Variants in BTRC observed in about 807,000 individuals in gnomAD.
The protein encoded by BTRC is F-box/WD repeat-containing protein 1A.
Under a neutral mutation model 85.5 loss-of-function variants are expected in BTRC, and 42 were observed. That is an observed-to-expected ratio of 0.49 (90% CI 0.38 to 0.64). The LOEUF (loss-of-function observed/expected upper bound fraction) is 0.64. BTRC is among the 30% of genes least tolerant of loss of function. The probability of loss-of-function intolerance (pLI) is 0.00; values close to 1 mark genes in which losing one functional copy is unlikely to be tolerated. For missense variants in BTRC, 594 were observed against 743.5 expected (o/e 0.80, Z 2.34); for synonymous variants, 255 against 263.3 (o/e 0.97, Z 0.30).
At position 101,535,996 on chromosome 10, in the gene BTRC, A is replaced by T. The variant is rs184624198; in HGVS notation, c.1466+524A>T. Among the ~76,000 whole-genome samples the T allele has an allele frequency of 3.3e-5, 5 of 152,368 alleles. No homozygotes were observed. In the East Asian group the frequency reaches 9.6e-4, roughly 29 times the overall value. On this transcript the variant is annotated intron_variant, in intron 11 of 14. Transcript: ENST00000370187. ...AAAGAGCTACTGTTTGTTATATCTA[A>T]GGAAATTATTCCTAGAAATCACTTG...
At position 101,482,393 on chromosome 10, in the gene BTRC, CTTTTTTT is replaced by C. The variant is rs55978440; in HGVS notation, c.324+2950_324+2956del. On this transcript the variant is annotated intron_variant, in intron 4 of 14. Coordinates refer to ENST00000370187, the MANE Select transcript of BTRC (RefSeq NM_033637.4). ...CTGTTTCTTTTTTGTTTGTTTGTTT[CTTTTTTT>C]TTTTTTTTTTTTTGAGACGGAGTCT... is the stretch of plus-strand genomic sequence containing the variant. Among the ~76,000 whole-genome samples, 278 of 99,826 alleles carry C rather than the reference CTTTTTTT, an allele frequency of 2.8e-3. 2 individuals carry two copies. The highest frequency in any genetic ancestry group is 9.2e-3 in the African/African-American group (260 of 28,190). The allele number at this position is 99,826 out of a possible 152,430, so 65.5% of individuals were successfully genotyped here. A position where few individuals can be genotyped will look rare whatever the true frequency, so the allele number is the denominator to read the frequency against.
chr10:101,451,651 C>T (rs1944957319), intron 2 of BTRC, among the ~76,000 whole-genome samples: 1 of 152,064 alleles, frequency 6.6e-6, no homozygotes, highest in African/African-American at 2.4e-5. Context: ...ATTTTTTCCC[C>T]CCTGAGGTCC....
chr10:101,363,438 A>ATTCC (rs1942269603), intron 1 of BTRC, among the ~76,000 whole-genome samples: 1 of 152,002 alleles, frequency 6.6e-6, no homozygotes, highest in African/African-American at 2.4e-5. Context: ...AGGGAGGGGA[A>ATTCC]GTTCGTTTTT....
intron 4 of BTRC, among the ~76,000 whole-genome samples, chr10:101,517,135 G>A (rs1398016421): frequency 6.6e-6 from 1 of 152,122 alleles, no homozygotes; most frequent in Admixed American, 6.5e-5. Flanking sequence ...GTCCAACAAG[G>A]TTCTTAGTAA....
In BTRC at chr10:101,469,579, A is replaced by G. The variant is rs542627221; in HGVS notation, c.234+7521A>G. Among the ~76,000 whole-genome samples the G allele has an allele frequency of 4.1e-4, 62 of 152,324 alleles. 1 individual carries two copies. The highest frequency in any genetic ancestry group is 1.4e-3 in the African/African-American group (60 of 41,544). ...TGATACATTTATTGATGACTGGACA[A>G]ACCTCTGTAAAAAATTTACTCCTAA... is the stretch of plus-strand genomic sequence containing the variant. On this transcript the variant is annotated intron_variant, in intron 3 of 14. Transcript: ENST00000370187.
At chr10:101,365,873 A>G (rs192812328) in intron 1 of BTRC, among the ~76,000 whole-genome samples, 87 of 152,320 alleles carry the variant, frequency 5.7e-4, no homozygotes, top group Non-Finnish European at 1.1e-3. Flanking sequence ...ATGCATTTAT[A>G]AAACAAAATG....
At chr10:101,544,791 T>C (rs2062531562) in intron 13 of BTRC, among the ~76,000 whole-genome samples, 1 of 152,110 alleles carries the variant, frequency 6.6e-6, no homozygotes, top group Non-Finnish European at 1.5e-5. Flanking sequence ...AGGCATGGTG[T>C]CTCACACCTG....
intron 4 of BTRC, among the ~76,000 whole-genome samples, chr10:101,521,141 G>A (rs2062098372): frequency 6.6e-6 from 1 of 152,040 alleles, no homozygotes; most frequent in Non-Finnish European, 1.5e-5. Flanking sequence ...ACATGATAGT[G>A]TGTACCTATA....
chr10:101,545,737 C>A (rs1428287664), intron 13 of BTRC, among the ~76,000 whole-genome samples: 1 of 152,086 alleles, frequency 6.6e-6, no homozygotes, highest in African/African-American at 2.4e-5. Context: ...TTTTTTGAGC[C>A]CCCTAGTGTA....
intron 1 of BTRC, among the ~76,000 whole-genome samples, chr10:101,361,804 A>G (rs1942214535): frequency 6.6e-6 from 1 of 152,220 alleles, no homozygotes; most frequent in African/African-American, 2.4e-5. Context: ...TTAATGTTGA[A>G]CTAAGAATAT....
intron 4 of BTRC, among the ~76,000 whole-genome samples, chr10:101,510,087 T>C (rs980353602): frequency 6.6e-6 from 1 of 151,822 alleles, no homozygotes; most frequent in Non-Finnish European, 1.5e-5. Context: ...TGAGCCGAGA[T>C]TGCACCATTG....
intron 4 of BTRC, among the ~76,000 whole-genome samples, chr10:101,480,133 G>T (rs1945796556): frequency 6.6e-6 from 1 of 152,086 alleles, no homozygotes; most frequent in Non-Finnish European, 1.5e-5. Context: ...TTAAGTATGG[G>T]CTTTGTTTCT....
At chr10:101,480,417 T>A (rs1945802737) in intron 4 of BTRC, among the ~76,000 whole-genome samples, 1 of 152,208 alleles carries the variant, frequency 6.6e-6, no homozygotes. Flanking sequence ...AATTTTTTTC[T>A]TATAGGGGCT....
intron 4 of BTRC, among the ~76,000 whole-genome samples, chr10:101,501,010 C>CA (rs2134290403): frequency 6.6e-6 from 1 of 152,278 alleles, no homozygotes; most frequent in South Asian, 2.1e-4. Flanking sequence ...GCCTGGCCAA[C>CA]ATGGCAAAAC....
intron 1 of BTRC, among the ~76,000 whole-genome samples, chr10:101,407,634 G>A (rs570579179): frequency 7.9e-5 from 12 of 151,964 alleles, no homozygotes; most frequent in African/African-American, 2.2e-4. Flanking sequence ...CAGGCAATCC[G>A]CCCACCTTGG....
intron 5 of BTRC, among the ~76,000 whole-genome samples, chr10:101,523,276 T>G (rs1184586492): frequency 6.6e-6 from 1 of 152,156 alleles, no homozygotes; most frequent in East Asian, 1.9e-4. Context: ...GTTGAAGTTT[T>G]TAGAAAGAAG....
At chr10:101,365,073 T>A (rs1420715291) in intron 1 of BTRC, 1 of 152,032 alleles carries the variant, frequency 6.6e-6, no homozygotes, top group Non-Finnish European at 1.5e-5. Context: ...AAAATTTTTT[T>A]ATTTTTATTT....
chr10:101,428,531 G>A (rs1428977908), intron 1 of BTRC, among the ~76,000 whole-genome samples: 2 of 152,174 alleles, frequency 1.3e-5, no homozygotes, highest in Non-Finnish European at 2.9e-5. Flanking sequence ...GATGCCTTTA[G>A]CAGATACCCT....
intron 1 of BTRC, among the ~76,000 whole-genome samples, chr10:101,383,839 C>T (rs1590226332): frequency 6.6e-6 from 1 of 152,190 alleles, no homozygotes; most frequent in Non-Finnish European, 1.5e-5. Context: ...TCAAAATTAT[C>T]TATGTTGTAA....
Sources: gnomAD v4.1 joint callset for allele counts (sites outside exome capture counted in the v4.1 genomes callset) on GRCh38, gnomAD v4.1.1 for gene constraint, MANE v1.5 for transcripts, NCBI Gene and HGNC (gene_info 2026-07-23, HGNC 2026-07-21) for gene names.